Variants in AGMO observed in about 807,000 individuals in gnomAD.
The protein encoded by AGMO is alkylglycerol monooxygenase, also known as glyceryl-ether monooxygenase.
In AGMO, 75 loss-of-function variants were observed where a neutral mutation model predicts 60.2. The observed-to-expected ratio is 1.25, with a 90% CI of 1.03 to 1.51. The LOEUF (loss-of-function observed/expected upper bound fraction) is 1.51, where lower values mean the gene tolerates loss of function less well. Ranked by LOEUF, AGMO falls within the 40% of genes most tolerant of loss-of-function variation. The pLI, the probability that AGMO is intolerant of heterozygous loss-of-function variation, is 0.00. For missense variants in AGMO, 763 were observed against 525.5 expected, an observed-to-expected ratio of 1.45 and a Z score of -4.42; for synonymous variants, 261 against 177.1, an observed-to-expected ratio of 1.47 and a Z score of -3.76.
chr7:15,216,840 G>GTGTA (rs1340113548), intron 12 of AGMO, among the ~76,000 whole-genome samples: 2 of 149,852 alleles, frequency 1.3e-5, no homozygotes, highest in South Asian at 2.1e-4. Context: ...AAAAGTGTGT[G>GTGTA]TGTGTGTGTG....
intron 10 of AGMO, among the ~76,000 whole-genome samples, chr7:15,385,043 C>G (rs1204930510): frequency 6.6e-6 from 1 of 152,116 alleles, no homozygotes; most frequent in Non-Finnish European, 1.5e-5. Flanking sequence ...AAACTCTACA[C>G]TGAAAACCCT....
At chr7:15,322,571 TATAA>T (rs1781171132) in intron 12 of AGMO, among the ~76,000 whole-genome samples, 1 of 49,386 alleles carries the variant, frequency 2.0e-5, no homozygotes, top group Admixed American at 4.3e-4. Flanking sequence ...TATAAATATA[TATAA>T]ATATATATAA....
chr7:15,549,306 A>T (rs1233849595), intron 2 of AGMO, among the ~76,000 whole-genome samples: 1 of 150,774 alleles, frequency 6.6e-6, no homozygotes, highest in African/African-American at 2.5e-5. Context: ...GATCAAATTC[A>T]CACATAACAA....
intron 12 of AGMO, among the ~76,000 whole-genome samples, chr7:15,266,758 T>A (rs1399749349): frequency 6.6e-6 from 1 of 151,858 alleles, no homozygotes; most frequent in African/African-American, 2.4e-5. Context: ...TTATTTTATA[T>A]ATTTGCCTCA....
At chr7:15,509,345 T>C (rs1038735747) in intron 3 of AGMO, among the ~76,000 whole-genome samples, 4 of 149,964 alleles carry the variant, frequency 2.7e-5, no homozygotes. Context: ...TAATAAATGA[T>C]GTTGTGAGAA....
At chr7:15,526,667 G>C (rs574263092) in intron 3 of AGMO, among the ~76,000 whole-genome samples, 14 of 152,092 alleles carry the variant, frequency 9.2e-5, no homozygotes, top group Non-Finnish European at 1.9e-4. Context: ...ATTTTACAGA[G>C]CTTGCTTTTT....
intron 12 of AGMO, among the ~76,000 whole-genome samples, chr7:15,235,787 C>A (rs988207920): frequency 6.6e-6 from 1 of 152,082 alleles, no homozygotes; most frequent in Non-Finnish European, 1.5e-5. Flanking sequence ...AAGAAGGAAG[C>A]AATTCACTTT....
the AGMO span, among the ~76,000 whole-genome samples, chr7:15,135,979 C>CTTTTTTTTTTTTTTTTTTTTTTGTTTT: frequency 9.4e-6 from 1 of 106,870 alleles, no homozygotes; most frequent in African/African-American, 3.5e-5. Context: ...TTTTTCTTTT[C>CTTTTTTTTTTTTTTTTTTTTTTGTTTT]TTTTTTTTTT....
At chr7:15,125,924 A>C in the AGMO span, among the ~76,000 whole-genome samples, 1 of 152,148 alleles carries the variant, frequency 6.6e-6, no homozygotes, top group South Asian at 2.1e-4. Flanking sequence ...GCGTTAAAGA[A>C]AATATCTGTA....
chr7:15,248,207 T>C (rs866336455), intron 12 of AGMO, among the ~76,000 whole-genome samples: 2 of 99,200 alleles, frequency 2.0e-5, no homozygotes, highest in South Asian at 2.9e-4. Context: ...TATATATATA[T>C]ATATATATAT....
chr7:15,544,654 C>CT lies in AGMO; in HGVS notation c.409+117_409+118insA, dbSNP rs142139788. On this transcript the variant is annotated intron_variant, in intron 3 of 12. Coordinates refer to ENST00000342526, the MANE Select transcript of AGMO (RefSeq NM_001004320.2). ...AACCTTCATTATTAATTTTTATATC[C>CT]GTAAAATATACTATTTTATTCCTGT... The CT allele has an allele frequency of 3.2e-3, 2,805 of 876,270 alleles. 42 individuals carry two copies. The African/African-American group carries it at 0.044, about 14-fold the overall frequency. 54.3% of individuals were successfully genotyped at this position (876,270 alleles called of 1,614,324 possible).
chr7:15,497,543 C>G (rs1783264881), intron 3 of AGMO, among the ~76,000 whole-genome samples: 1 of 152,012 alleles, frequency 6.6e-6, no homozygotes, highest in Admixed American at 6.6e-5. Context: ...CATCCCATAA[C>G]AGCAACCCCT....
intron 12 of AGMO, among the ~76,000 whole-genome samples, chr7:15,225,541 C>T (rs1782054172): frequency 6.6e-6 from 1 of 151,854 alleles, no homozygotes; most frequent in South Asian, 2.1e-4. Flanking sequence ...AAAGTGTGTA[C>T]ATCTCATTAC....
intron 12 of AGMO, among the ~76,000 whole-genome samples, chr7:15,227,607 G>A (rs796989006): frequency 1.8e-4 from 28 of 151,952 alleles, no homozygotes; most frequent in African/African-American, 6.8e-4. Flanking sequence ...TGGCCAACTG[G>A]AGTCTGCACA....
At chr7:15,537,616 C>G (rs1450239635) in intron 3 of AGMO, among the ~76,000 whole-genome samples, 1 of 152,006 alleles carries the variant, frequency 6.6e-6, no homozygotes, top group Admixed American at 6.6e-5. Context: ...AATCAATGTT[C>G]AAAAATAGAC....
chr7:15,315,166 T>C (rs1405563913), intron 12 of AGMO, among the ~76,000 whole-genome samples: 1 of 151,902 alleles, frequency 6.6e-6, no homozygotes, highest in Non-Finnish European at 1.5e-5. Flanking sequence ...TACAAAGACT[T>C]CTGGCACATA....
At chr7:15,312,999 A>G (rs76671699) in intron 12 of AGMO, among the ~76,000 whole-genome samples, 1,570 of 152,286 alleles carry the variant, frequency 0.01, 30 homozygotes, top group African/African-American at 0.033. Flanking sequence ...TTTCATCAGA[A>G]GAAAAGTGAT....
chr7:15,196,691 C>A (rs1248588289), downstream of AGMO, among the ~76,000 whole-genome samples: 4 of 152,146 alleles, frequency 2.6e-5, no homozygotes, highest in Admixed American at 2.6e-4. Context: ...CACAGGTAAT[C>A]CTGATGCATA....
At chr7:15,354,729 G>T (rs1478843826) in intron 12 of AGMO, among the ~76,000 whole-genome samples, 1 of 150,346 alleles carries the variant, frequency 6.7e-6, no homozygotes, top group African/African-American at 2.4e-5. Context: ...GAAATGCAAA[G>T]CTTTATTATA....
Sources: allele counts gnomAD v4.1 joint callset (sites outside exome capture counted in the v4.1 genomes callset), GRCh38; gene constraint gnomAD v4.1.1; transcripts MANE v1.5; gene names NCBI Gene and HGNC (gene_info 2026-07-23, HGNC 2026-07-21).